SEMA5B: variants seen among roughly 807,000 people sequenced by gnomAD.
SEMA5B encodes the protein semaphorin-5B.
SEMA5B carries 66 observed loss-of-function variants against 135.0 expected under a neutral mutation model. The ratio of observed to expected loss-of-function variants is 0.49; its 90% CI spans 0.40 to 0.60. The LOEUF (loss-of-function observed/expected upper bound fraction) is 0.60, where lower values mean the gene tolerates loss of function less well. SEMA5B is among the 20% of genes least tolerant of loss of function. The pLI is 0.00. For missense variants in SEMA5B, 1,501 were observed against 1,566.3 expected (o/e 0.96, Z 0.70); for synonymous variants, 690 against 639.5 (o/e 1.08, Z -1.19).
At chr3:123,026,588 C>CGGAG (rs1942805985) in intron 1 of SEMA5B, among the ~76,000 whole-genome samples, 1 of 152,118 alleles carries the variant, frequency 6.6e-6, no homozygotes, top group African/African-American at 2.4e-5. Context: ...GCCGGTCCGG[C>CGGAG]GACCACTTCC....
In SEMA5B at chr3:122,966,566, A is replaced by ATTATTATTATTT. The variant is rs1291373854; in HGVS notation, c.-38-5266_-38-5265insAAATAATAATAA. On this transcript the variant is annotated intron_variant, in intron 1 of 22. Coordinates refer to ENST00000357599, the MANE Select transcript of SEMA5B (RefSeq NM_001031702.4). Reference sequence around the variant, plus strand: ...TATTATTATTATTATTATTATTATTATTTTTTGAGACGGAGTCTCGCTCTA... The same window carrying ATTATTATTATTT: ...TATTATTATTATTATTATTATTATTATTATTATTATTTTTTTTTGAGACGGAGTCTCGCTCTA... Among the ~76,000 whole-genome samples, 5 of 115,882 alleles carry ATTATTATTATTT rather than the reference A, an allele frequency of 4.3e-5. 1 individual carries two copies. Among genetic ancestry groups the ATTATTATTATTT allele is most frequent in the African/African-American group, 1.3e-4 (4 of 31,098 alleles). 76.0% of individuals were successfully genotyped at this position (115,882 alleles called of 152,430 possible). A position where few individuals can be genotyped will look rare whatever the true frequency, so the allele number is the denominator to read the frequency against.
chr3:122,996,885 C>T (rs1289321795), intron 1 of SEMA5B, among the ~76,000 whole-genome samples: 5 of 152,160 alleles, frequency 3.3e-5, no homozygotes, highest in Non-Finnish European at 7.4e-5. Context: ...GCAGGGAGCC[C>T]CTGGTTTCTG....
At chr3:122,942,847 G>A (rs1484490122) in intron 4 of SEMA5B, among the ~76,000 whole-genome samples, 1 of 152,198 alleles carries the variant, frequency 6.6e-6, no homozygotes, top group Non-Finnish European at 1.5e-5. Context: ...CCCTCTCTAA[G>A]CCCCCTCCCT....
rs141754943 is a variant in SEMA5B, at chr3:123,024,234, A to G, written c.-39+3230T>C. Among the ~76,000 whole-genome samples, 12 of 152,336 alleles carry G rather than the reference A, an allele frequency of 7.9e-5. No homozygotes were observed. The East Asian group carries it at 2.3e-3, about 29-fold the overall frequency. ...CAGTGTTCAAATAATTGGACCCAAT[A>G]GCATCATCTTCCTAAATACACATAC... On this transcript the variant is annotated intron_variant, in intron 1 of 22. Coordinates refer to ENST00000357599, the MANE Select transcript of SEMA5B (RefSeq NM_001031702.4).
chr3:122,921,309 A>G (rs1445349183), intron 12 of SEMA5B, among the ~76,000 whole-genome samples: 1 of 152,086 alleles, frequency 6.6e-6, no homozygotes, highest in African/African-American at 2.4e-5. Flanking sequence ...TCCCCCTTAA[A>G]CACTGATGCC....
intron 1 of SEMA5B, among the ~76,000 whole-genome samples, chr3:122,972,491 A>G (rs986740916): frequency 2.4e-4 from 36 of 152,170 alleles, no homozygotes; most frequent in African/African-American, 8.4e-4. Context: ...TGAGTCAAAT[A>G]AAATTAAAAT....
intron 1 of SEMA5B, among the ~76,000 whole-genome samples, chr3:122,961,614 A>C (rs1314319248): frequency 6.6e-6 from 1 of 152,048 alleles, no homozygotes. Flanking sequence ...TTGCACCACC[A>C]TACCTGGCTA....
intron 9 of SEMA5B, among the ~76,000 whole-genome samples, chr3:122,924,032 A>G (rs1177868165): frequency 6.6e-6 from 1 of 152,126 alleles, no homozygotes; most frequent in Non-Finnish European, 1.5e-5. Context: ...GTGGCTTTCA[A>G]ACATTGTAGT....
intron 9 of SEMA5B, 138 bp downstream of exon 9, chr3:122,926,254 C>G: frequency 1.2e-6 from 1 of 808,022 alleles, no homozygotes. Context: ...GCTCCAGAAG[C>G]AGTAAGTCAC....
At chr3:122,936,754 C>A (rs2107500951) in intron 5 of SEMA5B, among the ~76,000 whole-genome samples, 1 of 152,322 alleles carries the variant, frequency 6.6e-6, no homozygotes, top group Admixed American at 6.5e-5. Context: ...TAAATAACCA[C>A]ACAGGTGAGC....
chr3:122,961,798 C>T (rs969500208), intron 1 of SEMA5B, among the ~76,000 whole-genome samples: 4 of 152,070 alleles, frequency 2.6e-5, no homozygotes, highest in South Asian at 2.1e-4. Flanking sequence ...ACATGTATTA[C>T]CTTAAGCTTC....
At chr3:122,942,981 G>A (rs1051120429) in intron 4 of SEMA5B, among the ~76,000 whole-genome samples, 2 of 152,242 alleles carry the variant, frequency 1.3e-5, no homozygotes, top group African/African-American at 4.8e-5. Flanking sequence ...GGACTAAGAG[G>A]TCAGGCCAAA....
At chr3:122,915,169 G>A (rs1042915625) in intron 14 of SEMA5B, among the ~76,000 whole-genome samples, 6 of 152,162 alleles carry the variant, frequency 3.9e-5, no homozygotes, top group Non-Finnish European at 5.9e-5. Flanking sequence ...ACTGAGGCAC[G>A]CTTTTGTCTA....
chr3:122,999,382 A>G (rs1942112451), intron 1 of SEMA5B, among the ~76,000 whole-genome samples: 1 of 152,030 alleles, frequency 6.6e-6, no homozygotes, highest in Admixed American at 6.5e-5. Flanking sequence ...GCCTGTGACC[A>G]TGCCCGGCTG....
rs777072798 is a variant in SEMA5B, at chr3:122,926,650, A to T, written c.878T>A (p.Ile293Asn). Reference sequence around the variant, plus strand: ...CAGGAAGAAGTATGCAAACAGCCCAATATCATAGGCTGCCACGAAGTTTGG... The same window carrying T: ...CAGGAAGAAGTATGCAAACAGCCCATTATCATAGGCTGCCACGAAGTTTGG... The part of the protein sequence containing the change: ...NEPNFVAAYD[I>N]GLFAYFFLRE... Residue 293 changes from isoleucine to asparagine, a missense_variant, in exon 9 of 23, where the codon ATT becomes AAT. Coordinates refer to ENST00000357599, the MANE Select transcript of SEMA5B (RefSeq NM_001031702.4). The T allele has an allele frequency of 6.2e-7, 1 of 1,613,644 alleles. No homozygotes were observed. Among genetic ancestry groups the T allele is most frequent in the East Asian group, 2.2e-5 (1 of 44,862 alleles).
At chr3:122,988,424 C>G (rs1941765398) in intron 1 of SEMA5B, among the ~76,000 whole-genome samples, 1 of 152,208 alleles carries the variant, frequency 6.6e-6, no homozygotes, top group South Asian at 2.1e-4. Context: ...AAAGTCAAGT[C>G]TACAGAACCC....
intron 1 of SEMA5B, among the ~76,000 whole-genome samples, chr3:122,975,532 C>T (rs1004287080): frequency 3.3e-5 from 5 of 152,208 alleles, no homozygotes; most frequent in Admixed American, 6.5e-5. Flanking sequence ...CTCTCTGAGT[C>T]AGTTCTCTCA....
chr3:122,922,315 C>G lies in SEMA5B; in HGVS notation c.1405G>C (p.Val469Leu). 2 of 1,614,076 alleles carry G rather than the reference C, an allele frequency of 1.2e-6. No individual in the cohort carries two copies. The highest frequency in any genetic ancestry group is 1.7e-5 in the Admixed American group (1 of 60,014). ...TCCACCACGAGGTGTGAGAAGCGCA[C>G]GCTGTCCTGGGTGACACAGGGCTCG... ...TPEPCVTQDS[V>L]RFSHLVVDLV... is the part of the protein sequence containing the mutation. The change falls in exon 11 of 23, where the codon GTG becomes CTG. Residue 469 changes from valine to leucine, a missense_variant. Physicochemically the swap from Val to Leu is conservative, Grantham distance 32 (BLOSUM62 1). This residue lies in a region of SEMA5B where 574 missense variants were observed against 684.7 expected (regional missense o/e 0.84). Coordinates refer to ENST00000357599, the MANE Select transcript of SEMA5B (RefSeq NM_001031702.4).
chr3:122,943,580 G>A (rs765540886), intron 3 of SEMA5B, 45 bp from the exon 4 acceptor site: 5 of 1,366,892 alleles, frequency 3.7e-6, no homozygotes, highest in Non-Finnish European at 5.2e-6. Context: ...TGGGCCAGAG[G>A]CTCCCAGCTG....
Sources: allele counts gnomAD v4.1 joint callset (sites outside exome capture counted in the v4.1 genomes callset), GRCh38; gene constraint gnomAD v4.1.1; regional missense constraint gnomAD v4.1.1; transcripts MANE v1.5; gene names NCBI Gene and HGNC (gene_info 2026-07-23, HGNC 2026-07-21).